The following LRP8 variants were observed in gnomAD, a reference collection of about 807,000 sequenced individuals.
LRP8 encodes the protein LDL receptor related protein 8.
Under a neutral mutation model 111.6 loss-of-function variants are expected in LRP8, and 46 were observed. The observed-to-expected ratio is 0.41, with a 90% CI of 0.33 to 0.53. The LOEUF is 0.53. Among genes scored for constraint, LRP8 ranks in the 20% least tolerant of loss-of-function variants. The pLI is 0.20. For missense variants in LRP8, 959 were observed against 1,297.4 expected, an observed-to-expected ratio of 0.74 and a Z score of 4.01; for synonymous variants, 464 against 511.2, an observed-to-expected ratio of 0.91 and a Z score of 1.24.
rs148785410 is a variant in LRP8, at chr1:53,275,453, C to T, written c.1006+178G>A. On this transcript the variant is annotated intron_variant, in intron 6 of 18. Transcript: ENST00000306052. The surrounding 1 kb of genome is among the most constrained non-coding windows in gnomAD (Gnocchi z 4.4). The stretch of plus-strand genomic sequence containing the variant: ...TGGCAAAGTCCTTACAAATCCAGTT[C>T]TGGTGCTACTAGGACCCCATGGAAA... 3.9e-5 allele frequency among the ~76,000 whole-genome samples: 6 copies of T among 152,284 alleles called. No individual in the cohort carries two copies. Among genetic ancestry groups the T allele is most frequent in the African/African-American group, 1.4e-4 (6 of 41,562 alleles).
intron 18 of LRP8, among the ~76,000 whole-genome samples, chr1:53,248,767 G>A (rs908788060): frequency 1.3e-5 from 2 of 152,150 alleles, no homozygotes; most frequent in African/African-American, 4.8e-5. Flanking sequence ...AACACTCATC[G>A]GGAGTAACTC....
intron 8 of LRP8, among the ~76,000 whole-genome samples, chr1:53,270,510 CA>C (rs1471261002): frequency 2.0e-5 from 3 of 152,196 alleles, no homozygotes; most frequent in African/African-American, 7.2e-5. Context: ...GGCATGCACA[CA>C]AGCTAATAGT....
At chr1:53,316,317 G>A (rs189730980) in intron 2 of LRP8, among the ~76,000 whole-genome samples, 51 of 152,142 alleles carry the variant, frequency 3.4e-4, no homozygotes, top group African/African-American at 1.2e-3. Context: ...GGCTGGGAAT[G>A]GGGAGGGGAG....
intron 6 of LRP8, chr1:53,274,708 C>G (rs1264040107): frequency 2.2e-6 from 1 of 456,326 alleles, no homozygotes; most frequent in South Asian, 1.5e-5. Flanking sequence ...ACCACACTTT[C>G]AGAAGCTCAT....
chr1:53,290,294 TTCCTCCTCC>T (rs146311099), intron 2 of LRP8, among the ~76,000 whole-genome samples: 5 of 150,894 alleles, frequency 3.3e-5, no homozygotes, highest in African/African-American at 1.2e-4. Context: ...TCAATCCCAC[TTCCTCCTCC>T]TCCTCCTCCT....
At chr1:53,291,619 C>T (rs1648784398) in intron 2 of LRP8, among the ~76,000 whole-genome samples, 1 of 152,304 alleles carries the variant, frequency 6.6e-6, no homozygotes, top group East Asian at 1.9e-4. Context: ...TCCTGAGCTC[C>T]TACAATCCCC....
chr1:53,286,403 G>A (rs1288009346), intron 3 of LRP8, among the ~76,000 whole-genome samples: 1 of 152,154 alleles, frequency 6.6e-6, no homozygotes, highest in Non-Finnish European at 1.5e-5. Context: ...CCTCCCAGGT[G>A]GAAAGGTTCT....
chr1:53,244,144 GT>G lies in LRP8; in HGVS notation c.*2873del, dbSNP rs1312148043. The G allele has an allele frequency of 3.3e-5, 5 of 152,170 alleles. No individual in the cohort carries two copies. Among genetic ancestry groups the G allele is most frequent in the African/African-American group, 4.8e-5 (2 of 41,428 alleles). 9.4% of individuals were successfully genotyped at this position (152,170 alleles called of 1,614,324 possible). On this transcript the variant is annotated 3_prime_UTR_variant, in exon 19 of 19. Coordinates refer to ENST00000306052, the MANE Select transcript of LRP8 (RefSeq NM_004631.5). ...ATCAAGAGTAAATAAGTACAGTTTC[GT>G]TTTCTCTGTTTCTAGAAGGCATTTC...
At chr1:53,296,547 A>C (rs1217131756) in intron 2 of LRP8, among the ~76,000 whole-genome samples, 1 of 152,232 alleles carries the variant, frequency 6.6e-6, no homozygotes, top group Non-Finnish European at 1.5e-5. Context: ...AGCGTTGCCA[A>C]GACGACCGCT....
intron 2 of LRP8, among the ~76,000 whole-genome samples, chr1:53,315,393 A>G (rs1572680609): frequency 6.6e-6 from 1 of 152,188 alleles, no homozygotes; most frequent in Non-Finnish European, 1.5e-5. Flanking sequence ...TGAATTGAGC[A>G]CTGCGCATGC....
intron 8 of LRP8, among the ~76,000 whole-genome samples, chr1:53,268,795 A>G (rs887862260): frequency 6.6e-6 from 1 of 152,022 alleles, no homozygotes; most frequent in African/African-American, 2.4e-5. Context: ...CACATTCCAC[A>G]TTCAATTCAT....
Position 53,250,937 on chromosome 1 carries a change from C to CA in LRP8, c.2504-76dup. On this transcript the variant is annotated intron_variant, in intron 16 of 18. Coordinates refer to ENST00000306052, the MANE Select transcript of LRP8 (RefSeq NM_004631.5). The surrounding 1 kb of genome is among the most constrained non-coding windows in gnomAD (Gnocchi z 4.6). ...GCTCAGACATCTGTACAAGGCTTGT[C>CA]ACCACTCCACTTTTACTACCCTTTG... 1 of 1,278,584 alleles carries CA rather than the reference C, an allele frequency of 7.8e-7. No homozygotes were observed. The highest frequency in any genetic ancestry group is 2.3e-5 in the East Asian group (1 of 43,102). The allele number at this position is 1,278,584 out of a possible 1,614,324, so 79.2% of individuals were successfully genotyped here. A position where few individuals can be genotyped will look rare whatever the true frequency, so the allele number is the denominator to read the frequency against.
chr1:53,322,923 T>A (rs1156704425), intron 2 of LRP8, among the ~76,000 whole-genome samples: 2 of 152,184 alleles, frequency 1.3e-5, no homozygotes, highest in Admixed American at 6.5e-5. Flanking sequence ...GAGACCTCCC[T>A]GTGGCCACTC....
intron 6 of LRP8, chr1:53,274,754 A>T (rs888656011): frequency 4.4e-6 from 2 of 456,178 alleles, no homozygotes; most frequent in African/African-American, 4.0e-5. Flanking sequence ...CACATCACAC[A>T]CTTTCCCGCC....
rs1475601741 is a variant in LRP8, at chr1:53,245,016, TGAG to T, written c.*1999_*2001del. 6.6e-6 allele frequency: 1 copy of T among 152,214 alleles called. No homozygotes were observed. Among genetic ancestry groups the T allele is most frequent in the Non-Finnish European group, 1.5e-5 (1 of 68,046 alleles). 9.4% of individuals were successfully genotyped at this position (152,214 alleles called of 1,614,324 possible). A position where few individuals can be genotyped will look rare whatever the true frequency, so the allele number is the denominator to read the frequency against. Reference sequence around the variant, plus strand: ...CAGGACTATCAACACATGCATGTCATGAGGAGATTGCTGGATTATGCAAAACAC... The same window carrying T: ...CAGGACTATCAACACATGCATGTCATGAGATTGCTGGATTATGCAAAACAC... On this transcript the variant is annotated 3_prime_UTR_variant, in exon 19 of 19. Coordinates refer to ENST00000306052, the MANE Select transcript of LRP8 (RefSeq NM_004631.5).
chr1:53,315,589 C>A (rs1000376918), intron 2 of LRP8, among the ~76,000 whole-genome samples: 1 of 152,204 alleles, frequency 6.6e-6, no homozygotes, highest in African/African-American at 2.4e-5. Flanking sequence ...TAGGGCCCTG[C>A]TGTTATCCAT....
intron 2 of LRP8, among the ~76,000 whole-genome samples, chr1:53,314,526 G>T (rs1042974431): frequency 1.3e-5 from 2 of 152,324 alleles, no homozygotes; most frequent in East Asian, 1.9e-4. Flanking sequence ...CCGTGAAGGT[G>T]GGGGCAGACT....
rs768124097 is a variant in LRP8 at position 53,249,346 on chromosome 1, C to A, written c.2853+34G>T. Reference sequence around the variant, plus strand: ...CTGCCTTGGTTCATGCCCTCACTCACCAGCCCCTCAGACTTAGAGTGGCAC... The same window carrying A: ...CTGCCTTGGTTCATGCCCTCACTCAACAGCCCCTCAGACTTAGAGTGGCAC... On this transcript the variant is annotated intron_variant, in intron 18 of 18. Coordinates refer to ENST00000306052, the MANE Select transcript of LRP8 (RefSeq NM_004631.5). This position sits in a 1 kb window ranked among gnomAD's most constrained non-coding sequence, Gnocchi z 4.1. 1 of 1,605,494 alleles carries A rather than the reference C, an allele frequency of 6.2e-7. No individual in the cohort carries two copies. Among genetic ancestry groups the A allele is most frequent in the Non-Finnish European group, 8.5e-7 (1 of 1,175,404 alleles).
intron 2 of LRP8, 68 bp from the exon 3 acceptor site, chr1:53,289,757 G>A: frequency 6.3e-7 from 1 of 1,589,948 alleles, no homozygotes; most frequent in Non-Finnish European, 8.6e-7. Flanking sequence ...CGACCAGGAT[G>A]TGCTTGGTCT....
Sources: allele counts gnomAD v4.1 joint callset (sites outside exome capture counted in the v4.1 genomes callset), GRCh38; gene constraint gnomAD v4.1.1; non-coding constraint Gnocchi (gnomAD v3.1); transcripts MANE v1.5; gene names NCBI Gene and HGNC (gene_info 2026-07-23, HGNC 2026-07-21).